The following VAT1L variants were observed in gnomAD, a reference collection of about 807,000 sequenced individuals.
VAT1L encodes putative NADPH-dependent quinone oxidoreductase VAT1L.
VAT1L carries 34 observed loss-of-function variants against 44.1 expected under a neutral mutation model. That is an observed-to-expected ratio of 0.77 (90% confidence interval 0.59 to 1.03). The LOEUF is 1.03. Ranked by LOEUF, VAT1L falls within the 50% of genes least tolerant of loss-of-function variation. The pLI is 0.00. For missense variants in VAT1L, 615 were observed against 538.8 expected, an observed-to-expected ratio of 1.14 and a Z score of -1.40; for synonymous variants, 253 against 202.2, an observed-to-expected ratio of 1.25 and a Z score of -2.13.
intron 3 of VAT1L, among the ~76,000 whole-genome samples, chr16:77,836,950 A>G (rs2016645707): frequency 1.3e-5 from 2 of 152,238 alleles, no homozygotes; most frequent in African/African-American, 2.4e-5. Flanking sequence ...TACATTGTCT[A>G]TAAGATACTA....
Position 77,927,736 on chromosome 16 carries a change from G to A in VAT1L, c.1077+42934G>A, listed in dbSNP as rs557414809. Reference sequence around the variant, plus strand: ...ACTAAAAAATTAGCCGGGTGTGGTGGCACACGCCTGTAGTCCCAGCTACTC... The same window carrying A: ...ACTAAAAAATTAGCCGGGTGTGGTGACACACGCCTGTAGTCCCAGCTACTC... On this transcript the variant is annotated intron_variant, in intron 7 of 8. Transcript: ENST00000302536. Among the ~76,000 whole-genome samples the A allele has an allele frequency of 2.0e-5, 3 of 152,196 alleles. No homozygotes were observed. In the East Asian group the frequency reaches 5.8e-4, roughly 29 times the overall value.
chr16:77,804,163 G>A (rs1418600906), intron 1 of VAT1L, among the ~76,000 whole-genome samples: 1 of 152,186 alleles, frequency 6.6e-6, no homozygotes, highest in Non-Finnish European at 1.5e-5. Context: ...GACATTAAAT[G>A]TTCTATGCAA....
At chr16:77,881,701 T>A (rs2142458920) in intron 6 of VAT1L, among the ~76,000 whole-genome samples, 1 of 152,230 alleles carries the variant, frequency 6.6e-6, no homozygotes, top group Middle Eastern at 3.4e-3. Flanking sequence ...AAAATATGGG[T>A]CAAGGATCAT....
intron 3 of VAT1L, among the ~76,000 whole-genome samples, chr16:77,849,368 C>T (rs976919681): frequency 6.6e-6 from 1 of 152,184 alleles, no homozygotes; most frequent in Non-Finnish European, 1.5e-5. Flanking sequence ...AATCATCATT[C>T]GTTCATCCAT....
At chr16:77,880,073 G>A (rs1172794137) in intron 6 of VAT1L, among the ~76,000 whole-genome samples, 2 of 152,114 alleles carry the variant, frequency 1.3e-5, no homozygotes, top group African/African-American at 2.4e-5. Context: ...ATTGCAAAGC[G>A]ACATCCCTGG....
In VAT1L at chr16:77,928,605, T is replaced by C. The variant is rs184406199; in HGVS notation, c.1078-43245T>C. ...GCATTTGTAGCCCTCCCCTTGACCA[T>C]AGTGATATTTAAAGAAATTTCTGTA... On this transcript the variant is annotated intron_variant, in intron 7 of 8. Transcript: ENST00000302536. 2.9e-3 allele frequency among the ~76,000 whole-genome samples: 447 copies of C among 152,214 alleles called. 6 individuals carry two copies. The highest frequency in any genetic ancestry group is 0.01 in the African/African-American group (425 of 41,534).
chr16:77,896,669 C>CATG (rs1567501445), intron 7 of VAT1L, among the ~76,000 whole-genome samples: 4 of 152,318 alleles, frequency 2.6e-5, no homozygotes, highest in Non-Finnish European at 5.9e-5. Context: ...TTTTCATCAG[C>CATG]CTGGTGCAGC....
chr16:77,824,552 G>A (rs1185069955), intron 2 of VAT1L, among the ~76,000 whole-genome samples: 4 of 151,922 alleles, frequency 2.6e-5, no homozygotes, highest in South Asian at 2.1e-4. Context: ...TCAGGAGATC[G>A]AGACCATCCT....
At chr16:77,968,200 A>C (rs1259141567) in intron 7 of VAT1L, among the ~76,000 whole-genome samples, 2 of 152,250 alleles carry the variant, frequency 1.3e-5, no homozygotes, top group East Asian at 3.9e-4. Context: ...TTTGATTCTC[A>C]CAAGGCTGCA....
chr16:77,845,474 C>T (rs76815540), intron 3 of VAT1L, among the ~76,000 whole-genome samples: 24 of 152,240 alleles, frequency 1.6e-4, no homozygotes, highest in African/African-American at 5.3e-4. Flanking sequence ...CTCCCTTCCC[C>T]GCCTCACCAC....
chr16:77,843,099 C>A (rs1179998300), intron 3 of VAT1L, among the ~76,000 whole-genome samples: 1 of 152,154 alleles, frequency 6.6e-6, no homozygotes, highest in Non-Finnish European at 1.5e-5. Context: ...AGGTCCTTCT[C>A]AAATCCTGTG....
Position 77,852,266 on chromosome 16 carries a change from A to T in VAT1L, c.580-10482A>T, listed in dbSNP as rs552190986. 2.0e-5 allele frequency among the ~76,000 whole-genome samples: 3 copies of T among 152,290 alleles called. No individual in the cohort carries two copies. In the South Asian group the frequency reaches 6.2e-4, roughly 32 times the overall value. On this transcript the variant is annotated intron_variant, in intron 3 of 8. Transcript: ENST00000302536. Reference sequence around the variant, plus strand: ...TGTGTCATCCCGTAGGCCCGGGCTCATGGAGCCACCTCCTAGGAGAAGCTT... The same window carrying T: ...TGTGTCATCCCGTAGGCCCGGGCTCTTGGAGCCACCTCCTAGGAGAAGCTT...
intron 7 of VAT1L, among the ~76,000 whole-genome samples, chr16:77,913,545 C>A (rs1454663362): frequency 6.6e-6 from 1 of 151,942 alleles, no homozygotes; most frequent in Non-Finnish European, 1.5e-5. Flanking sequence ...ATGCTTCCTT[C>A]AGTTGGCTTC....
intron 3 of VAT1L, among the ~76,000 whole-genome samples, chr16:77,858,974 A>T (rs2142439993): frequency 6.6e-6 from 1 of 152,176 alleles, no homozygotes; most frequent in East Asian, 1.9e-4. Flanking sequence ...CGTCTCTACT[A>T]AAAATACAAA....
At chr16:77,812,547 T>C (rs2016284220) in intron 1 of VAT1L, among the ~76,000 whole-genome samples, 2 of 152,212 alleles carry the variant, frequency 1.3e-5, no homozygotes, top group Admixed American at 6.5e-5. Context: ...AGTTTTCTTA[T>C]CTGAGGCTCA....
At chr16:77,973,552 G>C (rs2018302972) in intron 8 of VAT1L, among the ~76,000 whole-genome samples, 1 of 151,912 alleles carries the variant, frequency 6.6e-6, no homozygotes, top group Non-Finnish European at 1.5e-5. Context: ...CAAAGTGTTG[G>C]GATTACAGGC....
chr16:77,907,443 G>GA (rs1376023325), intron 7 of VAT1L, among the ~76,000 whole-genome samples: 1 of 152,118 alleles, frequency 6.6e-6, no homozygotes, highest in African/African-American at 2.4e-5. Context: ...GCTATATAAA[G>GA]AAATCAATAT....
In VAT1L at chr16:77,977,716, A is replaced by G. The variant is rs1435102932; in HGVS notation, c.*21A>G. ...AGTAACTGAGGACCCAGGTGGGAGA[A>G]TGTGAAGGATGGTTTGGAAGATGAG... On this transcript the variant is annotated 3_prime_UTR_variant, in exon 9 of 9. Coordinates refer to ENST00000302536, the MANE Select transcript of VAT1L (RefSeq NM_020927.3). The G allele has an allele frequency of 6.2e-7, 1 of 1,609,284 alleles. No individual in the cohort carries two copies. Among genetic ancestry groups the G allele is most frequent in the Non-Finnish European group, 8.5e-7 (1 of 1,177,232 alleles).
intron 7 of VAT1L, among the ~76,000 whole-genome samples, chr16:77,916,536 C>CA (rs1487489397): frequency 1.3e-5 from 2 of 152,144 alleles, no homozygotes; most frequent in Non-Finnish European, 2.9e-5. Flanking sequence ...AGGCTGGTCT[C>CA]AAACTCTTGG....
Sources: allele counts gnomAD v4.1 joint callset (sites outside exome capture counted in the v4.1 genomes callset), GRCh38; gene constraint gnomAD v4.1.1; transcripts MANE v1.5; gene names NCBI Gene and HGNC (gene_info 2026-07-23, HGNC 2026-07-21).